ATP6V1C1: variants seen among roughly 807,000 people sequenced by gnomAD.
ATP6V1C1 encodes V-type proton ATPase subunit C 1.
Under a neutral mutation model 53.9 loss-of-function variants are expected in ATP6V1C1, and 45 were observed. The observed-to-expected ratio is 0.83, with a 90% CI of 0.66 to 1.07. The LOEUF is 1.07. Ranked by LOEUF, ATP6V1C1 falls within the 50% of genes least tolerant of loss-of-function variation. ATP6V1C1 has a pLI of 0.00. For synonymous variants in ATP6V1C1, 153 were observed against 155.2 expected (o/e 0.99, Z 0.11); for missense variants, 315 against 440.3 (o/e 0.72, Z 2.55).
At chr8:103,051,762 C>T (rs1433436628) in intron 5 of ATP6V1C1, among the ~76,000 whole-genome samples, 1 of 151,858 alleles carries the variant, frequency 6.6e-6, no homozygotes, top group Non-Finnish European at 1.5e-5. Flanking sequence ...AGTCTTTTTC[C>T]CCCCAAGATC....
intron 6 of ATP6V1C1, 131 bp from the exon 7 acceptor site, chr8:103,053,753 A>C (rs1314249025): frequency 1.6e-6 from 1 of 643,812 alleles, no homozygotes; most frequent in African/African-American, 1.9e-5. Context: ...CTTACAAAGT[A>C]AAAATGTTGA....
At chr8:103,064,855 G>C in intron 11 of ATP6V1C1, 44 bp downstream of exon 11, 1 of 1,557,714 alleles carries the variant, frequency 6.4e-7, no homozygotes, top group Non-Finnish European at 8.8e-7. Context: ...AGAGTTCATA[G>C]ATTCCTTACA....
intron 5 of ATP6V1C1, 59 bp downstream of exon 5, chr8:103,051,203 A>T (rs1028726628): frequency 1.6e-6 from 2 of 1,243,486 alleles, no homozygotes; most frequent in African/African-American, 1.5e-5. Flanking sequence ...TGCTTATTTT[A>T]TAATTTCACT....
At chr8:103,039,765 A>G (rs1181916035) in intron 1 of ATP6V1C1, among the ~76,000 whole-genome samples, 1 of 152,184 alleles carries the variant, frequency 6.6e-6, no homozygotes, top group African/African-American at 2.4e-5. Flanking sequence ...AAGAGATTAT[A>G]GAAGAGGGTT....
intron 1 of ATP6V1C1, among the ~76,000 whole-genome samples, chr8:103,029,738 ATT>A (rs1011441730): frequency 7.0e-6 from 1 of 143,880 alleles, no homozygotes; most frequent in East Asian, 2.0e-4. Context: ...TTTAAAAAAA[ATT>A]TTTTTTTTTT....
At chr8:103,065,373 G>GGCT (rs1433051836) in intron 11 of ATP6V1C1, among the ~76,000 whole-genome samples, 1 of 152,066 alleles carries the variant, frequency 6.6e-6, no homozygotes, top group East Asian at 1.9e-4. Flanking sequence ...CTAACAGGGT[G>GGCT]AAATCCTGTC....
intron 8 of ATP6V1C1, among the ~76,000 whole-genome samples, chr8:103,059,356 C>A (rs1198733800): frequency 6.6e-6 from 1 of 152,226 alleles, no homozygotes; most frequent in Middle Eastern, 3.4e-3. Context: ...CCTACTGGAC[C>A]ACTCCATGTG....
At chr8:103,030,848 G>A (rs1292895476) in intron 1 of ATP6V1C1, among the ~76,000 whole-genome samples, 1 of 152,152 alleles carries the variant, frequency 6.6e-6, no homozygotes, top group African/African-American at 2.4e-5. Context: ...TATGGTGCTG[G>A]GAGGCATTTG....
chr8:103,063,141 T>C lies in ATP6V1C1; in HGVS notation c.741T>C (p.Ile247=). The change falls in exon 10 of 13, where the codon ATT becomes ATC. Residue 247 remains isoleucine (I), a synonymous_variant. Transcript: ENST00000518738. The part of the protein sequence containing the change: ...FRHKARENKF[I]VRDFQYNEEE... Reference sequence around the variant, plus strand: ...TTTTTTCCCCCAAATTTAGATTCATTGTTCGTGACTTCCAGTATAATGAAG... The same window carrying C: ...TTTTTTCCCCCAAATTTAGATTCATCGTTCGTGACTTCCAGTATAATGAAG... 6.2e-7 allele frequency: 1 copy of C among 1,613,258 alleles called. No individual in the cohort carries two copies. Among genetic ancestry groups the C allele is most frequent in the Non-Finnish European group, 8.5e-7 (1 of 1,179,416 alleles).
At chr8:103,038,347 A>G (rs1007874371) in intron 1 of ATP6V1C1, among the ~76,000 whole-genome samples, 1 of 152,218 alleles carries the variant, frequency 6.6e-6, no homozygotes, top group African/African-American at 2.4e-5. Context: ...CTGAACTCGC[A>G]TAGTGTGGCT....
intron 10 of ATP6V1C1, among the ~76,000 whole-genome samples, chr8:103,063,700 T>C (rs1817442385): frequency 6.6e-6 from 1 of 152,168 alleles, no homozygotes; most frequent in Admixed American, 6.5e-5. Context: ...ATTGGAGAAT[T>C]GGTGTGTTCT....
chr8:103,046,828 A>G (rs1050446689), intron 3 of ATP6V1C1, among the ~76,000 whole-genome samples: 1 of 152,210 alleles, frequency 6.6e-6, no homozygotes, highest in African/African-American at 2.4e-5. Flanking sequence ...TAGAGCAGAT[A>G]TTTTTGAGGT....
At chr8:103,031,419 C>T (rs1013577629) in intron 1 of ATP6V1C1, among the ~76,000 whole-genome samples, 6 of 152,154 alleles carry the variant, frequency 3.9e-5, no homozygotes, top group African/African-American at 1.2e-4. Flanking sequence ...CTCAGCTTCT[C>T]ATGAGGCTTC....
intron 1 of ATP6V1C1, among the ~76,000 whole-genome samples, chr8:103,037,165 G>T (rs1816913978): frequency 6.6e-6 from 1 of 152,138 alleles, no homozygotes; most frequent in Non-Finnish European, 1.5e-5. Flanking sequence ...AGGATGACAA[G>T]AAGACAGGAT....
At chr8:103,053,812 A>T in intron 6 of ATP6V1C1, 72 bp from the exon 7 acceptor site, 2 of 1,090,306 alleles carry the variant, frequency 1.8e-6, no homozygotes, top group South Asian at 2.6e-5. Context: ...GAAAATGATT[A>T]GCCTGCTGTT....
In ATP6V1C1 at chr8:103,047,268, C is replaced by T. The variant is rs35225786; in HGVS notation, c.201-1602C>T. 3.4e-3 allele frequency among the ~76,000 whole-genome samples: 519 copies of T among 152,016 alleles called. 6 individuals are homozygous for T. Among genetic ancestry groups the T allele is most frequent in the Middle Eastern group, 0.034 (10 of 294 alleles). On this transcript the variant is annotated intron_variant, in intron 3 of 12. Coordinates refer to ENST00000518738, the MANE Select transcript of ATP6V1C1 (RefSeq NM_001695.5). ...TTGTTTAAACTGTTAACAAGCCAGGCTTGTGGCTCACACCTGTAATCCCTC... is the reference window on the plus strand; with the variant it reads ...TTGTTTAAACTGTTAACAAGCCAGGTTTGTGGCTCACACCTGTAATCCCTC...
intron 3 of ATP6V1C1, among the ~76,000 whole-genome samples, chr8:103,042,765 G>A (rs1817023761): frequency 6.6e-6 from 1 of 152,102 alleles, no homozygotes; most frequent in Non-Finnish European, 1.5e-5. Flanking sequence ...CCCATTAGCA[G>A]TCACTTACCG....
intron 3 of ATP6V1C1, among the ~76,000 whole-genome samples, chr8:103,043,029 G>A (rs1817028860): frequency 6.6e-6 from 1 of 151,916 alleles, no homozygotes. Context: ...TCCACTTTTT[G>A]GCTTATAAGA....
intron 1 of ATP6V1C1, among the ~76,000 whole-genome samples, chr8:103,024,232 G>T (rs974076296): frequency 5.3e-5 from 8 of 152,106 alleles, no homozygotes; most frequent in African/African-American, 1.7e-4. Flanking sequence ...CAGTACTCAG[G>T]ATCTAACTAA....
Sources: allele counts gnomAD v4.1 joint callset (sites outside exome capture counted in the v4.1 genomes callset), GRCh38; gene constraint gnomAD v4.1.1; transcripts MANE v1.5; gene names NCBI Gene and HGNC (gene_info 2026-07-23, HGNC 2026-07-21).